Variants in ERBB4 observed in about 807,000 individuals in gnomAD.
ERBB4 encodes erb-b2 receptor tyrosine kinase 4.
A neutral mutation model predicts 158.0 loss-of-function variants in ERBB4; 42 were observed. That is an observed-to-expected ratio of 0.27 (90% CI 0.21 to 0.34). ERBB4 has a LOEUF of 0.34. Among genes scored for constraint, ERBB4 ranks in the 10% least tolerant of loss-of-function variants. The probability of loss-of-function intolerance (pLI) is 1.00; values close to 1 mark genes in which losing one functional copy is unlikely to be tolerated. For missense variants in ERBB4, 1,333 were observed against 1,624.1 expected, an observed-to-expected ratio of 0.82 and a Z score of 3.08; for synonymous variants, 583 against 558.7, an observed-to-expected ratio of 1.04 and a Z score of -0.61.
rs138818727 is a variant in ERBB4 at position 211,689,368 on chromosome 2, G to A, written c.1490-10184C>T. Among the ~76,000 whole-genome samples, 328 of 152,112 alleles carry A rather than the reference G, an allele frequency of 2.2e-3. 1 individual carries two copies. Among genetic ancestry groups the A allele is most frequent in the African/African-American group, 7.4e-3 (309 of 41,500 alleles). ...CACCATGACACCTGGCTACTTTTTT[G>A]TTGTTGTTTTTGTAGAGATGGAGTT... On this transcript the variant is annotated intron_variant, in intron 12 of 27. Transcript: ENST00000342788.
At chr2:211,988,076 A>G (rs2081982401) in intron 2 of ERBB4, among the ~76,000 whole-genome samples, 1 of 152,204 alleles carries the variant, frequency 6.6e-6, no homozygotes, top group Admixed American at 6.5e-5. Context: ...GCAAATTTTA[A>G]TTAGGACTTT....
rs576019614 is a variant in ERBB4, at chr2:212,337,750, G to T, written c.82+200699C>A. Among the ~76,000 whole-genome samples, 44 of 152,148 alleles carry T rather than the reference G, an allele frequency of 2.9e-4. No homozygotes were observed. The South Asian group carries it at 8.5e-3, about 29-fold the overall frequency. ...GAAGTTTCAACATCAATCCACTCTT[G>T]CTACTTAAAGCCTGATATTATTCCA... is the stretch of plus-strand genomic sequence containing the variant. On this transcript the variant is annotated intron_variant, in intron 1 of 27. Transcript: ENST00000342788.
At chr2:211,473,312 A>G (rs1384007923) in intron 20 of ERBB4, among the ~76,000 whole-genome samples, 1 of 152,080 alleles carries the variant, frequency 6.6e-6, no homozygotes, top group African/African-American at 2.4e-5. Flanking sequence ...TCTAGAAGAG[A>G]GTAGGTCCCT....
intron 19 of ERBB4, among the ~76,000 whole-genome samples, chr2:211,617,904 G>T (rs1246740836): frequency 1.3e-5 from 2 of 151,938 alleles, no homozygotes; most frequent in Non-Finnish European, 2.9e-5. Context: ...GAACATATAT[G>T]GTCTTTGATA....
At chr2:211,646,216 GACATA>G (rs1418875982) in intron 16 of ERBB4, among the ~76,000 whole-genome samples, 1 of 151,306 alleles carries the variant, frequency 6.6e-6, no homozygotes, top group African/African-American at 2.4e-5. Flanking sequence ...CTAATACATA[GACATA>G]ACATATACAT....
Position 212,062,919 on chromosome 2 carries a change from T to C in ERBB4, c.234+61833A>G, listed in dbSNP as rs115051611. Among the ~76,000 whole-genome samples the C allele has an allele frequency of 6.7e-3, 1,021 of 152,336 alleles. 9 individuals carry two copies. Among genetic ancestry groups the C allele is most frequent in the African/African-American group, 0.023 (968 of 41,568 alleles). ...TTAAATATCTTAAGTGTTAGTGTCCTTATGTGTTAAAAGAAAAAACAAAAA... is the reference window on the plus strand; with the variant it reads ...TTAAATATCTTAAGTGTTAGTGTCCCTATGTGTTAAAAGAAAAAACAAAAA... On this transcript the variant is annotated intron_variant, in intron 2 of 27. Coordinates refer to ENST00000342788, the MANE Select transcript of ERBB4 (RefSeq NM_005235.3).
intron 4 of ERBB4, among the ~76,000 whole-genome samples, chr2:211,770,631 G>A (rs989837100): frequency 3.9e-5 from 6 of 152,116 alleles, no homozygotes; most frequent in African/African-American, 1.4e-4. Context: ...GCTGCCCTCA[G>A]ATAGACAATT....
chr2:212,341,883 A>T (rs1485807750), intron 1 of ERBB4, among the ~76,000 whole-genome samples: 1 of 152,194 alleles, frequency 6.6e-6, no homozygotes, highest in Non-Finnish European at 1.5e-5. Flanking sequence ...CTCTTAGAAG[A>T]GCAACAATAG....
intron 1 of ERBB4, among the ~76,000 whole-genome samples, chr2:212,142,443 A>C (rs1321372594): frequency 1.3e-5 from 2 of 151,624 alleles, no homozygotes; most frequent in Non-Finnish European, 2.9e-5. Flanking sequence ...TATAACCCAA[A>C]TGTTATTTCT....
At chr2:212,003,944 A>G (rs1057096139) in intron 2 of ERBB4, among the ~76,000 whole-genome samples, 6 of 152,186 alleles carry the variant, frequency 3.9e-5, no homozygotes, top group Admixed American at 2.0e-4. Context: ...ATTTGTGAAG[A>G]TTAAATGAGA....
intron 2 of ERBB4, among the ~76,000 whole-genome samples, chr2:212,009,560 G>C (rs1332114931): frequency 1.3e-5 from 2 of 152,082 alleles, no homozygotes; most frequent in African/African-American, 4.8e-5. Context: ...TGTTGTTACA[G>C]TGGCCACAGG....
chr2:211,443,732 C>T (rs1394655175), intron 20 of ERBB4, among the ~76,000 whole-genome samples: 8 of 151,856 alleles, frequency 5.3e-5, no homozygotes, highest in Admixed American at 3.9e-4. Flanking sequence ...GCCATAGGCA[C>T]GTTAGACATG....
chr2:211,695,376 C>G (rs28715896), intron 12 of ERBB4, among the ~76,000 whole-genome samples: 50,615 of 152,000 alleles, frequency 0.33, 9,940 homozygotes, highest in Middle Eastern at 0.5. Flanking sequence ...AAATGTGTAT[C>G]CTTTTTGGCT....
intron 3 of ERBB4, among the ~76,000 whole-genome samples, chr2:211,897,184 G>T (rs533599562): frequency 6.6e-5 from 10 of 151,648 alleles, no homozygotes; most frequent in South Asian, 2.1e-4. Context: ...TTTGAAGTCT[G>T]CTTTACTATA....
At chr2:211,620,367 CTAGT>C (rs1352435069) in intron 18 of ERBB4, among the ~76,000 whole-genome samples, 1 of 152,090 alleles carries the variant, frequency 6.6e-6, no homozygotes, top group African/African-American at 2.4e-5. Context: ...TTACTATCAG[CTAGT>C]TATAGTCATA....
At chr2:211,984,202 A>G (rs1005038731) in intron 2 of ERBB4, among the ~76,000 whole-genome samples, 1 of 152,042 alleles carries the variant, frequency 6.6e-6, no homozygotes, top group African/African-American at 2.4e-5. Context: ...GAGCCCTTTC[A>G]TATGTCTTTT....
chr2:212,222,257 C>T (rs538446682), intron 1 of ERBB4, among the ~76,000 whole-genome samples: 6 of 151,528 alleles, frequency 4.0e-5, no homozygotes, highest in Non-Finnish European at 5.9e-5. Context: ...ATGAGGAGTA[C>T]GGGTTAATGG....
chr2:211,863,227 T>A (rs188714513), intron 3 of ERBB4, among the ~76,000 whole-genome samples: 24 of 146,846 alleles, frequency 1.6e-4, no homozygotes, highest in African/African-American at 6.5e-4. Flanking sequence ...TAGCTAAAGG[T>A]TTGTAAATGC....
chr2:211,886,617 G>A (rs1290288555), intron 3 of ERBB4, among the ~76,000 whole-genome samples: 1 of 152,080 alleles, frequency 6.6e-6, no homozygotes, highest in Non-Finnish European at 1.5e-5. Context: ...GAAAATAGAA[G>A]GTATCTTACA....
Sources: allele counts gnomAD v4.1 joint callset (sites outside exome capture counted in the v4.1 genomes callset), GRCh38; gene constraint gnomAD v4.1.1; transcripts MANE v1.5; gene names NCBI Gene and HGNC (gene_info 2026-07-23, HGNC 2026-07-21).